TAFA1: variants seen among roughly 807,000 people sequenced by gnomAD.
The protein encoded by TAFA1 is TAFA chemokine like family member 1, also known as chemokine-like protein TAFA-1.
TAFA1 carries 4 observed loss-of-function variants against 18.5 expected under a neutral mutation model. That is an observed-to-expected ratio of 0.22 (90% confidence interval 0.11 to 0.49). The LOEUF is 0.49. Ranked by LOEUF, TAFA1 falls within the 20% of genes least tolerant of loss-of-function variation. The probability of loss-of-function intolerance (pLI) is 0.98; values close to 1 mark genes in which losing one functional copy is unlikely to be tolerated. For synonymous variants in TAFA1, 56 were observed against 55.2 expected, an observed-to-expected ratio of 1.01 and a Z score of -0.06; for missense variants, 147 against 169.0, an observed-to-expected ratio of 0.87 and a Z score of 0.72.
chr3:68,167,539 T>C (rs2065998322), intron 2 of TAFA1, among the ~76,000 whole-genome samples: 1 of 140,402 alleles, frequency 7.1e-6, no homozygotes, highest in African/African-American at 2.7e-5. Context: ...ATCAAGCCAC[T>C]GCATTCCAGC....
intron 2 of TAFA1, among the ~76,000 whole-genome samples, chr3:68,077,232 CA>C (rs1280263712): frequency 6.9e-6 from 1 of 145,958 alleles, no homozygotes; most frequent in Non-Finnish European, 1.5e-5. Context: ...GAGTAGGTTG[CA>C]AAAATTTTCT....
rs116566134 is a variant in TAFA1 at position 68,385,133 on chromosome 3, G to A, written c.119-32147G>A. ...TTTCTTAACCTCGCACTCCTCATCT[G>A]TTAACTGGAGGTAATAATAGAGCCT... On this transcript the variant is annotated intron_variant, in intron 2 of 4. Coordinates refer to ENST00000478136, the MANE Select transcript of TAFA1 (RefSeq NM_213609.4). Among the ~76,000 whole-genome samples the A allele has an allele frequency of 4.1e-3, 629 of 152,114 alleles. 2 individuals are homozygous for A. The highest frequency in any genetic ancestry group is 0.014 in the African/African-American group (599 of 41,516).
At chr3:68,463,245 C>T (rs920984935) in intron 3 of TAFA1, among the ~76,000 whole-genome samples, 1 of 152,144 alleles carries the variant, frequency 6.6e-6, no homozygotes, top group Non-Finnish European at 1.5e-5. Flanking sequence ...AACTTAATTG[C>T]TGTCTCCTCT....
intron 2 of TAFA1, among the ~76,000 whole-genome samples, chr3:68,121,468 T>A (rs1441958959): frequency 6.6e-6 from 1 of 152,150 alleles, no homozygotes; most frequent in Non-Finnish European, 1.5e-5. Flanking sequence ...ATTTTTGGTG[T>A]TCCAAGAAAT....
chr3:68,334,930 C>T lies in TAFA1; in HGVS notation c.119-82350C>T, dbSNP rs543626464. 3.3e-5 allele frequency among the ~76,000 whole-genome samples: 5 copies of T among 152,228 alleles called. No individual in the cohort carries two copies. The South Asian group carries it at 1.0e-3, about 32-fold the overall frequency. ...CATCACTTATATCACATTTCATTAG[C>T]CAGTAGTAGTCACGAGAGCATACCT... On this transcript the variant is annotated intron_variant, in intron 2 of 4. Coordinates refer to ENST00000478136, the MANE Select transcript of TAFA1 (RefSeq NM_213609.4).
chr3:68,122,816 G>T (rs2065417216), intron 2 of TAFA1, among the ~76,000 whole-genome samples: 1 of 151,420 alleles, frequency 6.6e-6, no homozygotes, highest in African/African-American at 2.4e-5. Flanking sequence ...ATATGTGTGT[G>T]TGTGTATGTG....
chr3:68,228,858 C>A lies in TAFA1; in HGVS notation c.119-188422C>A, dbSNP rs79860832. Among the ~76,000 whole-genome samples, 220 of 152,194 alleles carry A rather than the reference C, an allele frequency of 1.4e-3. 2 individuals are homozygous for A. The highest frequency in any genetic ancestry group is 4.6e-3 in the African/African-American group (189 of 41,496). ...CACCCTTCCTCCACCTATATTGAGC[C>A]CTTGCTCAAATACTTAAGGTTAAGT... On this transcript the variant is annotated intron_variant, in intron 2 of 4. Transcript: ENST00000478136.
Position 68,085,230 on chromosome 3 carries a change from A to G in TAFA1, c.118+78486A>G, listed in dbSNP as rs372901769. On this transcript the variant is annotated intron_variant, in intron 2 of 4. Transcript: ENST00000478136. ...ATAAGTCTAAAGTCAGTAACCATAA[A>G]GGGATTCTGTGGTTAAAGAAATCTG... 7.2e-5 allele frequency among the ~76,000 whole-genome samples: 11 copies of G among 152,222 alleles called. 1 individual carries two copies. The South Asian group carries it at 8.3e-4, about 11-fold the overall frequency.
chr3:68,323,324 A>G (rs999984717), intron 2 of TAFA1, among the ~76,000 whole-genome samples: 10 of 152,214 alleles, frequency 6.6e-5, no homozygotes, highest in Admixed American at 6.5e-4. Flanking sequence ...ATTCACTGAA[A>G]TGAATAGATT....
intron 2 of TAFA1, among the ~76,000 whole-genome samples, chr3:68,090,234 C>G (rs568960828): frequency 1.1e-4 from 16 of 152,276 alleles, no homozygotes; most frequent in African/African-American, 3.1e-4. Flanking sequence ...ATGTTTCTGT[C>G]TTTTAGAATC....
intron 2 of TAFA1, among the ~76,000 whole-genome samples, chr3:68,059,210 G>A (rs536036098): frequency 1.3e-4 from 20 of 152,114 alleles, no homozygotes; most frequent in Admixed American, 3.9e-4. Context: ...GCAAATGCTC[G>A]TTGGGTGCAT....
At chr3:68,319,184 A>C (rs1293187556) in intron 2 of TAFA1, among the ~76,000 whole-genome samples, 1 of 152,236 alleles carries the variant, frequency 6.6e-6, no homozygotes, top group Non-Finnish European at 1.5e-5. Context: ...TTACTTCTAC[A>C]CTAGTAGAAT....
At chr3:68,058,068 A>G (rs938610321) in intron 2 of TAFA1, among the ~76,000 whole-genome samples, 1 of 152,204 alleles carries the variant, frequency 6.6e-6, no homozygotes, top group African/African-American at 2.4e-5. Flanking sequence ...TCACAGGTGT[A>G]AAGGATGACA....
chr3:68,172,112 C>T lies in TAFA1; in HGVS notation c.118+165368C>T, dbSNP rs1294126223. Among the ~76,000 whole-genome samples the T allele has an allele frequency of 3.3e-5, 5 of 152,208 alleles. No individual in the cohort carries two copies. The East Asian group carries it at 7.7e-4, about 24-fold the overall frequency. The stretch of plus-strand genomic sequence containing the variant: ...TAATCTACAGATTGAAGCAGTTCAA[C>T]GAATTCCAACTAAGATAAACTCAAT... On this transcript the variant is annotated intron_variant, in intron 2 of 4. Transcript: ENST00000478136.
At chr3:68,533,267 A>T (rs1264340976) in intron 3 of TAFA1, among the ~76,000 whole-genome samples, 1 of 152,154 alleles carries the variant, frequency 6.6e-6, no homozygotes, top group Non-Finnish European at 1.5e-5. Context: ...TCATGGCAGA[A>T]GGTGAAAAGC....
At chr3:68,119,387 A>G (rs1396567299) in intron 2 of TAFA1, among the ~76,000 whole-genome samples, 1 of 151,002 alleles carries the variant, frequency 6.6e-6, no homozygotes, top group Non-Finnish European at 1.5e-5. Flanking sequence ...TTTAATTTTG[A>G]TGTAGTCTAA....
intron 3 of TAFA1, among the ~76,000 whole-genome samples, chr3:68,524,276 G>T (rs2073072351): frequency 6.6e-6 from 1 of 152,042 alleles, no homozygotes; most frequent in African/African-American, 2.4e-5. Context: ...AGAGCAGTAA[G>T]CCCCAATACA....
intron 1 of TAFA1, among the ~76,000 whole-genome samples, chr3:68,005,466 A>AGCG (rs1276941298): frequency 1.3e-5 from 2 of 152,248 alleles, no homozygotes; most frequent in Non-Finnish European, 2.9e-5. Context: ...TCCACAAATT[A>AGCG]GCGTGCATTA....
intron 2 of TAFA1, among the ~76,000 whole-genome samples, chr3:68,170,598 C>T (rs2066040431): frequency 2.0e-5 from 3 of 152,092 alleles, no homozygotes; most frequent in Admixed American, 2.0e-4. Flanking sequence ...TGTGCTTATC[C>T]CCAGAAATAA....
Sources: gnomAD v4.1 joint callset for allele counts (sites outside exome capture counted in the v4.1 genomes callset) on GRCh38, gnomAD v4.1.1 for gene constraint, MANE v1.5 for transcripts, NCBI Gene and HGNC (gene_info 2026-07-23, HGNC 2026-07-21) for gene names.